Variants in CHST15 observed in about 807,000 individuals in gnomAD.
CHST15 encodes the protein carbohydrate sulfotransferase 15.
In CHST15, 30 loss-of-function variants were observed where a neutral mutation model predicts 53.6. The observed-to-expected ratio is 0.56, with a 90% confidence interval of 0.42 to 0.76. The LOEUF (loss-of-function observed/expected upper bound fraction) is 0.76. Ranked by LOEUF, CHST15 falls within the 30% of genes least tolerant of loss-of-function variation. The pLI is 0.00. For synonymous variants in CHST15, 296 were observed against 289.8 expected (o/e 1.02, Z -0.22); for missense variants, 627 against 740.5 (o/e 0.85, Z 1.78).
intron 6 of CHST15, chr10:124,020,582 C>T (rs1277955723): frequency 1.3e-5 from 13 of 985,848 alleles, no homozygotes; most frequent in East Asian, 1.1e-4. Flanking sequence ...CTATGCGAGA[C>T]GCTGAGCAGA....
chr10:124,089,465 C>T (rs1167157211), intron 1 of CHST15, among the ~76,000 whole-genome samples: 3 of 152,158 alleles, frequency 2.0e-5, no homozygotes, highest in Non-Finnish European at 1.5e-5. Flanking sequence ...GTGTCCACAC[C>T]TCTGGGAGTT....
At chr10:124,078,317 A>T (rs1949136131) in intron 1 of CHST15, among the ~76,000 whole-genome samples, 2 of 152,268 alleles carry the variant, frequency 1.3e-5, no homozygotes, top group Non-Finnish European at 2.9e-5. Context: ...GAATGTGGGC[A>T]GGGTGAACTC....
chr10:124,037,136 G>C (rs1055878530), intron 5 of CHST15, among the ~76,000 whole-genome samples: 1 of 152,158 alleles, frequency 6.6e-6, no homozygotes, highest in Non-Finnish European at 1.5e-5. Context: ...CTTAGGGTGG[G>C]TGAGGGTCTA....
In CHST15 at chr10:124,036,832, C is replaced by T. The variant is rs963956503; in HGVS notation, c.1190+1683G>A. On this transcript the variant is annotated intron_variant, in intron 5 of 7. Transcript: ENST00000435907. The surrounding 1 kb of genome is among the most constrained non-coding windows in gnomAD (Gnocchi z 5.1). ...GCCTTATTGTTATAATTGGCAAATA[C>T]GTGGGGCCAGGAAGGTATGCCACCT... 1.3e-5 allele frequency among the ~76,000 whole-genome samples: 2 copies of T among 152,148 alleles called. No homozygotes were observed. The highest frequency in any genetic ancestry group is 6.5e-5 in the Admixed American group (1 of 15,282).
intron 5 of CHST15, among the ~76,000 whole-genome samples, chr10:124,034,620 CTTCACCCCTGATAGGTACCCTGGCTCCA>C (rs1947358005): frequency 7.4e-6 from 1 of 134,242 alleles, no homozygotes; most frequent in Admixed American, 7.0e-5. Flanking sequence ...GGGACCCTGG[CTTCACCCCTGATAGGTACCCTGGCTCCA>C]CCCCTAACAG....
At position 124,008,340 on chromosome 10, in the gene CHST15, C is replaced by T. The variant is rs138300095; in HGVS notation, c.*1809G>A. ...CAGAAGACGCACTCACCCACACGTG[C>T]GCGTACACACACACACACGCGCGCA... On this transcript the variant is annotated 3_prime_UTR_variant, in exon 8 of 8. Coordinates refer to ENST00000435907, the MANE Select transcript of CHST15 (RefSeq NM_001270764.2). 4.3e-5 allele frequency: 46 copies of T among 1,072,676 alleles called. No homozygotes were observed. Among genetic ancestry groups the T allele is most frequent in the Admixed American group, 3.8e-4 (7 of 18,634 alleles). 66.4% of individuals were successfully genotyped at this position (1,072,676 alleles called of 1,614,324 possible). A position where few individuals can be genotyped will look rare whatever the true frequency, so the allele number is the denominator to read the frequency against.
intron 1 of CHST15, among the ~76,000 whole-genome samples, chr10:124,058,768 A>G (rs1002230781): frequency 1.3e-5 from 2 of 152,238 alleles, no homozygotes; most frequent in Admixed American, 1.3e-4. Flanking sequence ...GTCAGGGAAC[A>G]AGCTCCAGAA....
At position 124,009,343 on chromosome 10, in the gene CHST15, T is replaced by C. The variant is rs1946350052; in HGVS notation, c.*806A>G. ...GAGGCAGCAGAGAGAGAGCCAGGACTGGTTAAATGCAGAAAGTGGTTTTGT... is the reference window on the plus strand; with the variant it reads ...GAGGCAGCAGAGAGAGAGCCAGGACCGGTTAAATGCAGAAAGTGGTTTTGT... On this transcript the variant is annotated 3_prime_UTR_variant, in exon 8 of 8. Transcript: ENST00000435907. The C allele has an allele frequency of 9.7e-7, 1 of 1,034,654 alleles. No individual in the cohort carries two copies. The highest frequency in any genetic ancestry group is 1.7e-5 in the African/African-American group (1 of 58,888). The allele number at this position is 1,034,654 out of a possible 1,614,324, so 64.1% of individuals were successfully genotyped here.
At position 124,019,929 on chromosome 10, in the gene CHST15, A is replaced by T; in HGVS notation, c.1347+1327T>A. The T allele has an allele frequency of 1.0e-6, 1 of 985,892 alleles. No homozygotes were observed. 61.1% of individuals were successfully genotyped at this position (985,892 alleles called of 1,614,324 possible). On this transcript the variant is annotated intron_variant, in intron 6 of 7. Transcript: ENST00000435907. This position sits in a 1 kb window ranked among gnomAD's most constrained non-coding sequence, Gnocchi z 4.6. ...GGTGCTGACCACTGGGCCTCTGCAC[A>T]CGCTGCTCTCAGTTCCCTGGCCAAC...
At chr10:124,048,276 G>A (rs571258413) in intron 1 of CHST15, among the ~76,000 whole-genome samples, 23 of 152,344 alleles carry the variant, frequency 1.5e-4, no homozygotes, top group African/African-American at 5.5e-4. Flanking sequence ...TAAGCCCTGT[G>A]AATCCACAAG....
intron 1 of CHST15, among the ~76,000 whole-genome samples, chr10:124,085,856 G>C (rs1004757641): frequency 3.9e-5 from 6 of 152,196 alleles, no homozygotes; most frequent in Non-Finnish European, 8.8e-5. Context: ...AGTGGGGGTG[G>C]GGGGCTCGAT....
intron 3 of CHST15, 22 bp downstream of exon 3, chr10:124,044,558 A>T: frequency 6.8e-7 from 1 of 1,469,678 alleles, no homozygotes; most frequent in East Asian, 2.5e-5. Context: ...ACCAGACAGG[A>T]GCCCTGGGAC....
intron 6 of CHST15, chr10:124,020,899 G>T: frequency 2.3e-6 from 3 of 1,323,118 alleles, no homozygotes; most frequent in South Asian, 2.4e-5. Context: ...ACAATCCACC[G>T]CTCAAGAGAA....
At chr10:124,069,475 A>T (rs1012693240) in intron 1 of CHST15, among the ~76,000 whole-genome samples, 6 of 152,072 alleles carry the variant, frequency 3.9e-5, no homozygotes, top group African/African-American at 1.4e-4. Flanking sequence ...GGAATTTGGG[A>T]CGGGGAGTCC....
intron 1 of CHST15, among the ~76,000 whole-genome samples, chr10:124,058,363 G>A (rs1948451495): frequency 6.6e-6 from 1 of 152,222 alleles, no homozygotes; most frequent in Admixed American, 6.5e-5. Flanking sequence ...GATCATGCTA[G>A]GTCCCTTCTT....
In CHST15 at chr10:124,046,348, C is replaced by A; in HGVS notation, c.-136G>T. On this transcript the variant is annotated 5_prime_UTR_variant, in exon 2 of 8. Coordinates refer to ENST00000435907, the MANE Select transcript of CHST15 (RefSeq NM_001270764.2). ...AGAAGATGGATGGAAAGCACAAATA[C>A]AAAAATAAGCAGACACCACAGCACT... The A allele has an allele frequency of 2.6e-6, 2 of 769,490 alleles. No homozygotes were observed. The highest frequency in any genetic ancestry group is 3.0e-5 in the Admixed American group (1 of 33,360). 47.7% of individuals were successfully genotyped at this position (769,490 alleles called of 1,614,324 possible).
chr10:124,083,328 G>C (rs920976619), intron 1 of CHST15, among the ~76,000 whole-genome samples: 2 of 151,992 alleles, frequency 1.3e-5, no homozygotes, highest in Non-Finnish European at 2.9e-5. Flanking sequence ...TTTTTCTATC[G>C]ACTTATTTCC....
intron 6 of CHST15, chr10:124,020,608 C>A: frequency 1.0e-6 from 1 of 987,058 alleles, no homozygotes; most frequent in Non-Finnish European, 1.2e-6. Flanking sequence ...GCTTGTAAAG[C>A]CACTCTGGAA....
In CHST15 at chr10:124,021,380, G is replaced by C. The variant is rs375217023; in HGVS notation, c.1223C>G (p.Ser408Trp). 4 of 1,613,830 alleles carry C rather than the reference G, an allele frequency of 2.5e-6. No individual in the cohort carries two copies. Among genetic ancestry groups the C allele is most frequent in the Admixed American group, 1.7e-5 (1 of 60,006 alleles). Reference sequence around the variant, plus strand: ...ATGGAAGTCGTCCGCGGATTTATTCGAACTTGCAAAGTAGAGATAGTCTGA... The same window carrying C: ...ATGGAAGTCGTCCGCGGATTTATTCCAACTTGCAAAGTAGAGATAGTCTGA... Reference protein sequence around the residue: ...LYSDYLYFASSNKSADDFHEK... With the variant: ...LYSDYLYFASWNKSADDFHEK... Residue 408 changes from serine (S) to tryptophan (W), a missense_variant, in exon 6 of 8, where the codon TCG becomes TGG. Coordinates refer to ENST00000435907, the MANE Select transcript of CHST15 (RefSeq NM_001270764.2).
Sources: gnomAD v4.1 joint callset for allele counts (sites outside exome capture counted in the v4.1 genomes callset) on GRCh38, gnomAD v4.1.1 for gene constraint, Gnocchi (gnomAD v3.1) non-coding constraint, MANE v1.5 for transcripts, NCBI Gene and HGNC (gene_info 2026-07-23, HGNC 2026-07-21) for gene names.